The following ZBTB20 variants were observed in gnomAD, a reference collection of about 807,000 sequenced individuals.
The protein encoded by ZBTB20 is zinc finger and BTB domain-containing protein 20.
Under a neutral mutation model 56.9 loss-of-function variants are expected in ZBTB20, and 9 were observed. That is an observed-to-expected ratio of 0.16 (90% CI 0.10 to 0.28). The LOEUF is 0.28. Among genes scored for constraint, ZBTB20 ranks in the 10% least tolerant of loss-of-function variants. The pLI is 1.00. For missense variants in ZBTB20, 655 were observed against 1,003.0 expected, an observed-to-expected ratio of 0.65 and a Z score of 4.69; for synonymous variants, 417 against 420.7, an observed-to-expected ratio of 0.99 and a Z score of 0.11.
At chr3:114,630,633 A>G (rs1456333506) in intron 6 of ZBTB20, among the ~76,000 whole-genome samples, 1 of 152,328 alleles carries the variant, frequency 6.6e-6, no homozygotes, top group East Asian at 1.9e-4. Flanking sequence ...GCTCTGGAGA[A>G]ACCGTGCACA....
chr3:114,846,954 T>C (rs2074735646), intron 4 of ZBTB20, among the ~76,000 whole-genome samples: 2 of 152,180 alleles, frequency 1.3e-5, no homozygotes. Context: ...CTCCCAGCGC[T>C]GTCACCAGAG....
At chr3:114,340,476 A>C (rs1007862394) in intron 11 of ZBTB20, among the ~76,000 whole-genome samples, 1 of 152,168 alleles carries the variant, frequency 6.6e-6, no homozygotes, top group Non-Finnish European at 1.5e-5. Context: ...GTTTTTCCTC[A>C]GTTTACTGCT....
chr3:114,746,511 C>T (rs1237174931), intron 5 of ZBTB20, among the ~76,000 whole-genome samples: 1 of 151,964 alleles, frequency 6.6e-6, no homozygotes. Flanking sequence ...TTGGTCTTAA[C>T]AGTATTTTTA....
intron 5 of ZBTB20, among the ~76,000 whole-genome samples, chr3:114,714,662 A>T (rs955069791): frequency 5.9e-5 from 9 of 152,198 alleles, no homozygotes; most frequent in Non-Finnish European, 1.3e-4. Context: ...TGTTTTCAGA[A>T]TGACATTATA....
At chr3:114,379,323 T>C (rs1167437276) in intron 10 of ZBTB20, 1 of 152,222 alleles carries the variant, frequency 6.6e-6, no homozygotes, top group Non-Finnish European at 1.5e-5. Flanking sequence ...TCAGAAGAGT[T>C]GTTGGGTATG....
chr3:114,968,751 A>G (rs777018902), intron 3 of ZBTB20, among the ~76,000 whole-genome samples: 5 of 152,252 alleles, frequency 3.3e-5, no homozygotes, highest in Admixed American at 6.5e-5. Flanking sequence ...ATTTAAAAAT[A>G]CTAGAAATTC....
chr3:114,514,741 G>A (rs1165947306), intron 6 of ZBTB20, among the ~76,000 whole-genome samples: 4 of 152,196 alleles, frequency 2.6e-5, no homozygotes, highest in Middle Eastern at 3.4e-3. Context: ...AAGGGAGAGC[G>A]AGGGCCAGAA....
chr3:114,394,704 C>T (rs1326665114), intron 7 of ZBTB20, among the ~76,000 whole-genome samples: 2 of 152,158 alleles, frequency 1.3e-5, no homozygotes, highest in Non-Finnish European at 2.9e-5. Flanking sequence ...GGTCTTATTT[C>T]TGACACTCTC....
At chr3:114,893,266 T>C (rs1465447894) in intron 4 of ZBTB20, among the ~76,000 whole-genome samples, 1 of 152,142 alleles carries the variant, frequency 6.6e-6, no homozygotes, top group Non-Finnish European at 1.5e-5. Flanking sequence ...CAGTGTGCAG[T>C]TTTAAAATCC....
chr3:115,030,181 A>G (rs893012452), intron 2 of ZBTB20, among the ~76,000 whole-genome samples: 1 of 151,140 alleles, frequency 6.6e-6, no homozygotes, highest in Non-Finnish European at 1.5e-5. Context: ...TACCATGTTT[A>G]TAATTTCCAT....
At chr3:114,493,840 T>C (rs1050366810) in intron 7 of ZBTB20, among the ~76,000 whole-genome samples, 2 of 152,222 alleles carry the variant, frequency 1.3e-5, no homozygotes, top group African/African-American at 4.8e-5. Flanking sequence ...CTGTCTTACA[T>C]TCCCCAGATT....
chr3:115,141,770 C>T (rs1301295271), intron 1 of ZBTB20, among the ~76,000 whole-genome samples: 1 of 152,198 alleles, frequency 6.6e-6, no homozygotes, highest in Non-Finnish European at 1.5e-5. Flanking sequence ...AAAGAAATGA[C>T]TGTGTCTAGC....
At chr3:114,902,826 G>T (rs1471849159) in intron 3 of ZBTB20, among the ~76,000 whole-genome samples, 1 of 152,134 alleles carries the variant, frequency 6.6e-6, no homozygotes, top group Non-Finnish European at 1.5e-5. Context: ...GGTTAATCCT[G>T]CTAAAAGACA....
Position 114,711,553 on chromosome 3 carries a change from G to A in ZBTB20, c.-342-17978C>T, listed in dbSNP as rs546010497. 2.0e-5 allele frequency among the ~76,000 whole-genome samples: 3 copies of A among 152,294 alleles called. No homozygotes were observed. The South Asian group carries it at 6.2e-4, about 32-fold the overall frequency. On this transcript the variant is annotated intron_variant, in intron 5 of 11. Transcript: ENST00000675478. ...ATGTCTTATAATAAACTTCTTGGGAGGAGTAAGTCAAATTAGATAGTTAAC... is the reference window on the plus strand; with the variant it reads ...ATGTCTTATAATAAACTTCTTGGGAAGAGTAAGTCAAATTAGATAGTTAAC...
chr3:114,970,551 A>C (rs1336307781), intron 3 of ZBTB20, among the ~76,000 whole-genome samples: 1 of 152,200 alleles, frequency 6.6e-6, no homozygotes, highest in Non-Finnish European at 1.5e-5. Context: ...TCAATTAATA[A>C]ACAGGTTTCC....
At chr3:114,390,069 TTGAC>T (rs972045748) in intron 7 of ZBTB20, among the ~76,000 whole-genome samples, 1 of 152,190 alleles carries the variant, frequency 6.6e-6, no homozygotes, top group Non-Finnish European at 1.5e-5. Context: ...TTTGTGTCCT[TTGAC>T]TGATGTCTCC....
At chr3:114,781,272 T>A (rs1008522939) in intron 5 of ZBTB20, among the ~76,000 whole-genome samples, 2 of 152,186 alleles carry the variant, frequency 1.3e-5, no homozygotes, top group African/African-American at 4.8e-5. Context: ...CAACAGTGAC[T>A]ATTTACAAGA....
At chr3:114,415,969 A>G (rs1200931537) in intron 7 of ZBTB20, among the ~76,000 whole-genome samples, 2 of 152,080 alleles carry the variant, frequency 1.3e-5, no homozygotes, top group Admixed American at 1.3e-4. Flanking sequence ...AATCCCTACA[A>G]CATTCAGTTG....
chr3:114,807,717 T>C (rs2072223139), intron 4 of ZBTB20, among the ~76,000 whole-genome samples: 1 of 152,124 alleles, frequency 6.6e-6, no homozygotes, highest in Non-Finnish European at 1.5e-5. Flanking sequence ...GATACTGGAT[T>C]TTCTCAAATG....
Sources: gnomAD v4.1 joint callset for allele counts (sites outside exome capture counted in the v4.1 genomes callset) on GRCh38, gnomAD v4.1.1 for gene constraint, MANE v1.5 for transcripts, NCBI Gene and HGNC (gene_info 2026-07-23, HGNC 2026-07-21) for gene names.